The following ARHGAP5 variants were observed in gnomAD, a reference collection of about 807,000 sequenced individuals.
ARHGAP5 encodes rho GTPase-activating protein 5.
In ARHGAP5, 23 loss-of-function variants were observed where a neutral mutation model predicts 116.6. The observed-to-expected ratio is 0.20, with a 90% CI of 0.14 to 0.28. The LOEUF is 0.28. ARHGAP5 is among the 10% of genes least tolerant of loss of function. The pLI is 1.00. For missense variants in ARHGAP5, 1,405 were observed against 1,774.8 expected, an observed-to-expected ratio of 0.79 and a Z score of 3.74; for synonymous variants, 574 against 602.0, an observed-to-expected ratio of 0.95 and a Z score of 0.68.
Position 32,095,414 on chromosome 14 carries a change from T to G in ARHGAP5, c.3717+1028T>G, listed in dbSNP as rs1470754022. On this transcript the variant is annotated intron_variant, in intron 2 of 6. Transcript: ENST00000345122. ...CATGTAAACTTTGTTTTTTTTTTTT[T>G]TGTTTTTTTTTTTTTGAGATGGAGT... 4.0e-5 allele frequency among the ~76,000 whole-genome samples: 6 copies of G among 149,306 alleles called. No homozygotes were observed. In the South Asian group the frequency reaches 1.0e-3, roughly 26 times the overall value.
intron 4 of ARHGAP5, among the ~76,000 whole-genome samples, chr14:32,149,134 C>T (rs978664864): frequency 6.6e-6 from 1 of 150,786 alleles, no homozygotes; most frequent in Non-Finnish European, 1.5e-5. Context: ...TCAGATCAAC[C>T]TGTATGCATA....
intron 2 of ARHGAP5, among the ~76,000 whole-genome samples, chr14:32,108,188 A>G (rs1207060594): frequency 6.6e-6 from 1 of 152,104 alleles, no homozygotes; most frequent in African/African-American, 2.4e-5. Flanking sequence ...TGGAATGGGA[A>G]AAGTAGAGAC....
At chr14:32,096,972 G>C (rs1031963045) in intron 2 of ARHGAP5, among the ~76,000 whole-genome samples, 12 of 152,134 alleles carry the variant, frequency 7.9e-5, no homozygotes, top group Non-Finnish European at 1.6e-4. Context: ...TAAGAACTTG[G>C]CAGCACAACC....
At chr14:32,145,862 T>C (rs1040652734) in intron 3 of ARHGAP5, among the ~76,000 whole-genome samples, 3 of 152,208 alleles carry the variant, frequency 2.0e-5, no homozygotes, top group African/African-American at 7.2e-5. Flanking sequence ...CTTACAAATA[T>C]TTTACCACTA....
intron 3 of ARHGAP5, among the ~76,000 whole-genome samples, chr14:32,131,591 GTTA>G (rs1048262490): frequency 7.3e-5 from 11 of 151,604 alleles, no homozygotes; most frequent in Admixed American, 2.0e-4. Context: ...TTTGTTTTTT[GTTA>G]TTATTATACT....
At chr14:32,147,016 G>T (rs956620383) in intron 4 of ARHGAP5, among the ~76,000 whole-genome samples, 1 of 152,034 alleles carries the variant, frequency 6.6e-6, no homozygotes. Flanking sequence ...GACTGAACCT[G>T]TATAAATCCA....
intron 5 of ARHGAP5, among the ~76,000 whole-genome samples, chr14:32,150,575 CAAG>C (rs1472804174): frequency 6.6e-6 from 1 of 152,148 alleles, no homozygotes; most frequent in Non-Finnish European, 1.5e-5. Flanking sequence ...GAGTAAGAGA[CAAG>C]AAGGGGGCTG....
intron 3 of ARHGAP5, among the ~76,000 whole-genome samples, chr14:32,143,233 G>GTTATTATTA (rs1182495202): frequency 1.1e-4 from 17 of 149,404 alleles, no homozygotes; most frequent in African/African-American, 4.3e-4. Context: ...TGTTGTTGTT[G>GTTATTATTA]TTGTTGTTAT....
At chr14:32,138,069 C>T (rs897482294) in intron 3 of ARHGAP5, among the ~76,000 whole-genome samples, 4 of 151,402 alleles carry the variant, frequency 2.6e-5, no homozygotes, top group Non-Finnish European at 4.4e-5. Flanking sequence ...ACTATTTTGT[C>T]ATTTTCATTG....
In ARHGAP5 at chr14:32,138,636, A is replaced by G. The variant is rs145210533; in HGVS notation, c.3866-7627A>G. On this transcript the variant is annotated intron_variant, in intron 3 of 6. Coordinates refer to ENST00000345122, the MANE Select transcript of ARHGAP5 (RefSeq NM_001030055.2). ...CTTTAGGATTTTCTGCATGTAAGTC[A>G]TGTCATCTGTAAATAGGGATAATTT... 2.2e-3 allele frequency among the ~76,000 whole-genome samples: 342 copies of G among 152,274 alleles called. 5 individuals are homozygous for G. Among genetic ancestry groups the G allele is most frequent in the Admixed American group, 1.1e-3 (17 of 15,288 alleles).
chr14:32,106,305 G>T (rs1202989243), intron 2 of ARHGAP5, among the ~76,000 whole-genome samples: 1 of 152,058 alleles, frequency 6.6e-6, no homozygotes, highest in Non-Finnish European at 1.5e-5. Flanking sequence ...ATTTTTAGTA[G>T]AGACGGGCTT....
At chr14:32,136,127 T>C (rs2139116804) in intron 3 of ARHGAP5, among the ~76,000 whole-genome samples, 1 of 152,338 alleles carries the variant, frequency 6.6e-6, no homozygotes, top group Admixed American at 6.5e-5. Context: ...TTAGAATTTT[T>C]TTGAGGTAAA....
At chr14:32,103,693 G>A (rs1878887816) in intron 2 of ARHGAP5, among the ~76,000 whole-genome samples, 1 of 151,660 alleles carries the variant, frequency 6.6e-6, no homozygotes, top group Non-Finnish European at 1.5e-5. Flanking sequence ...GTCAATCCTA[G>A]GAGAGGTTTT....
At chr14:32,153,495 A>G (rs1379685944) in intron 6 of ARHGAP5, among the ~76,000 whole-genome samples, 1 of 106,348 alleles carries the variant, frequency 9.4e-6, no homozygotes, top group African/African-American at 3.5e-5. Flanking sequence ...TTTTTTTGAG[A>G]TGGAGTCTTG....
At chr14:32,139,191 T>C (rs1449002858) in intron 3 of ARHGAP5, among the ~76,000 whole-genome samples, 1 of 152,204 alleles carries the variant, frequency 6.6e-6, no homozygotes, top group Non-Finnish European at 1.5e-5. Flanking sequence ...TAGTTTTCAC[T>C]TTGTATTTTT....
At position 32,154,606 on chromosome 14, in the gene ARHGAP5, C is replaced by T. The variant is rs1240071845; in HGVS notation, c.4182-15C>T. The stretch of plus-strand genomic sequence containing the variant: ...AGTTTTGATTTCTAAATGTTTTTTC[C>T]TTTCATAATTTCAGGGTTAGTCAGC... On this transcript the variant is annotated splice_polypyrimidine_tract_variant and intron_variant, in intron 6 of 6. Coordinates refer to ENST00000345122, the MANE Select transcript of ARHGAP5 (RefSeq NM_001030055.2). 7 of 1,562,614 alleles carry T rather than the reference C, an allele frequency of 4.5e-6. No individual in the cohort carries two copies. The highest frequency in any genetic ancestry group is 3.7e-5 in the Admixed American group (2 of 53,448).
At chr14:32,128,951 T>C (rs934003003) in intron 3 of ARHGAP5, among the ~76,000 whole-genome samples, 1 of 152,238 alleles carries the variant, frequency 6.6e-6, no homozygotes, top group Non-Finnish European at 1.5e-5. Context: ...AAAAGTGCAC[T>C]GTCTTCAGAA....
chr14:32,091,392 A>G lies in ARHGAP5; in HGVS notation c.723A>G (p.Ala241=). 2 of 1,611,698 alleles carry G rather than the reference A, an allele frequency of 1.2e-6. No individual in the cohort carries two copies. The highest frequency in any genetic ancestry group is 8.5e-7 in the Non-Finnish European group (1 of 1,178,918). Residue 241 remains alanine (A), a synonymous_variant, in exon 2 of 7, where the codon GCA becomes GCG. Coordinates refer to ENST00000345122, the MANE Select transcript of ARHGAP5 (RefSeq NM_001030055.2). ...FNVNIETCFT[A]LVQMLDKTRS... The stretch of plus-strand genomic sequence containing the variant: ...TCAACATTGAAACATGTTTTACTGC[A>G]CTGGTACAAATGTTGGATAAAACTC...
chr14:32,141,234 G>T (rs1172401626), intron 3 of ARHGAP5, among the ~76,000 whole-genome samples: 2 of 152,132 alleles, frequency 1.3e-5, no homozygotes, highest in Non-Finnish European at 2.9e-5. Flanking sequence ...ACTGTGTATA[G>T]TTGGATGCTG....
Sources: gnomAD v4.1 joint callset for allele counts (sites outside exome capture counted in the v4.1 genomes callset) on GRCh38, gnomAD v4.1.1 for gene constraint, MANE v1.5 for transcripts, NCBI Gene and HGNC (gene_info 2026-07-23, HGNC 2026-07-21) for gene names.